The following GRIK4 variants were observed in gnomAD, a reference collection of about 807,000 sequenced individuals.
The protein encoded by GRIK4 is glutamate ionotropic receptor kainate type subunit 4.
A neutral mutation model predicts 104.9 loss-of-function variants in GRIK4; 40 were observed. The ratio of observed to expected loss-of-function variants is 0.38; its 90% CI spans 0.30 to 0.50. GRIK4 has a LOEUF of 0.50. GRIK4 is among the 20% of genes least tolerant of loss of function. The pLI is 0.93. For missense variants in GRIK4, 1,047 were observed against 1,308.1 expected, an observed-to-expected ratio of 0.80 and a Z score of 3.08; for synonymous variants, 485 against 524.9, an observed-to-expected ratio of 0.92 and a Z score of 1.04.
intron 9 of GRIK4, among the ~76,000 whole-genome samples, chr11:120,865,988 T>G (rs1954397323): frequency 6.6e-6 from 1 of 151,736 alleles, no homozygotes; most frequent in Non-Finnish European, 1.5e-5. Flanking sequence ...GGGGAAGAGG[T>G]GCCAGGCTCT....
chr11:120,973,634 C>T (rs1044602063), intron 19 of GRIK4, among the ~76,000 whole-genome samples: 18 of 152,200 alleles, frequency 1.2e-4, no homozygotes, highest in African/African-American at 4.1e-4. Context: ...CTGTCCCAGC[C>T]ATAGCTGCTA....
intron 1 of GRIK4, among the ~76,000 whole-genome samples, chr11:120,529,404 G>T (rs1947900073): frequency 6.6e-6 from 1 of 152,226 alleles, no homozygotes; most frequent in Non-Finnish European, 1.5e-5. Context: ...ATTGCCCTTG[G>T]CTGTGACCTC....
intron 3 of GRIK4, among the ~76,000 whole-genome samples, chr11:120,679,576 C>T (rs575145140): frequency 9.2e-5 from 14 of 152,284 alleles, no homozygotes; most frequent in Non-Finnish European, 1.5e-4. Flanking sequence ...GTGCAGGGAG[C>T]AGCTGGGCAG....
intron 3 of GRIK4, among the ~76,000 whole-genome samples, chr11:120,698,058 C>T (rs142009469): frequency 6.6e-6 from 1 of 152,058 alleles, no homozygotes; most frequent in Non-Finnish European, 1.5e-5. Context: ...AAGAGGTGTC[C>T]CCCCTGGCTT....
At chr11:120,657,619 G>T (rs558409893) in intron 2 of GRIK4, among the ~76,000 whole-genome samples, 1 of 152,380 alleles carries the variant, frequency 6.6e-6, no homozygotes, top group South Asian at 2.1e-4. Context: ...GGCAACAGCA[G>T]AGGCAGGAAA....
intron 13 of GRIK4, among the ~76,000 whole-genome samples, chr11:120,915,695 C>T (rs1943091055): frequency 6.6e-6 from 1 of 152,178 alleles, no homozygotes; most frequent in Non-Finnish European, 1.5e-5. Flanking sequence ...CCCTTGCTCA[C>T]ATGTCTTCCT....
At chr11:120,711,628 T>G (rs1328976370) in intron 3 of GRIK4, among the ~76,000 whole-genome samples, 1 of 152,236 alleles carries the variant, frequency 6.6e-6, no homozygotes, top group Non-Finnish European at 1.5e-5. Flanking sequence ...CTTTTGAATC[T>G]GTAGCCACCT....
In GRIK4 at chr11:120,924,567, C is replaced by T. The variant is rs113734970; in HGVS notation, c.1477-15780C>T. Among the ~76,000 whole-genome samples the T allele has an allele frequency of 4.1e-4, 25 of 60,574 alleles. 2 individuals are homozygous for T. The highest frequency in any genetic ancestry group is 3.4e-3 in the African/African-American group (24 of 7,030). The allele number at this position is 60,574 out of a possible 152,430, so 39.7% of individuals were successfully genotyped here. ...TACCCTTAGCGGCATCCTGAAGACC[C>T]CCTTGTCCCCACCCACCTCTTTCCT... is the stretch of plus-strand genomic sequence containing the variant. On this transcript the variant is annotated intron_variant, in intron 13 of 20. Coordinates refer to ENST00000527524, the MANE Select transcript of GRIK4 (RefSeq NM_014619.5).
At chr11:120,620,595 A>G (rs986241129) in intron 1 of GRIK4, among the ~76,000 whole-genome samples, 1 of 152,160 alleles carries the variant, frequency 6.6e-6, no homozygotes, top group East Asian at 1.9e-4. Context: ...TTGGCCTCCC[A>G]AAGTGCTGGG....
chr11:120,711,341 G>A (rs191941520), intron 3 of GRIK4, among the ~76,000 whole-genome samples: 1 of 152,326 alleles, frequency 6.6e-6, no homozygotes, highest in African/African-American at 2.4e-5. Context: ...GGGACGAGAT[G>A]TTCCTCGCTT....
Position 120,967,718 on chromosome 11 carries a change from G to T in GRIK4, c.2395+395G>T, listed in dbSNP as rs929929955. Among the ~76,000 whole-genome samples the T allele has an allele frequency of 6.6e-6, 1 of 152,066 alleles. No individual in the cohort carries two copies. Among genetic ancestry groups the T allele is most frequent in the Admixed American group, 6.5e-5 (1 of 15,270 alleles). ...AGCCAGAGTGATCCTTTTTAAAAAT[G>T]CAAACTCGATGGCAGCATTCCCCCC... On this transcript the variant is annotated intron_variant, in intron 19 of 20. Transcript: ENST00000527524. The surrounding 1 kb of genome is among the most constrained non-coding windows in gnomAD (Gnocchi z 4.2).
chr11:120,913,944 G>T (rs1943053273), intron 13 of GRIK4, among the ~76,000 whole-genome samples: 1 of 151,722 alleles, frequency 6.6e-6, no homozygotes, highest in African/African-American at 2.4e-5. Context: ...ATAGGTCACA[G>T]AATTCTATTC....
chr11:120,552,505 A>G (rs1300649945), intron 1 of GRIK4, among the ~76,000 whole-genome samples: 1 of 152,172 alleles, frequency 6.6e-6, no homozygotes, highest in Non-Finnish European at 1.5e-5. Flanking sequence ...CTGAGGGAAT[A>G]AAGTGACAAC....
At chr11:120,800,229 G>A (rs75254545) in intron 3 of GRIK4, among the ~76,000 whole-genome samples, 4,091 of 152,226 alleles carry the variant, frequency 0.027, 178 homozygotes, top group African/African-American at 0.093. Context: ...TGAAATGGAT[G>A]CAGGTGGAAT....
chr11:120,785,776 T>C (rs1378474277), intron 3 of GRIK4, among the ~76,000 whole-genome samples: 1 of 152,210 alleles, frequency 6.6e-6, no homozygotes, highest in East Asian at 1.9e-4. Flanking sequence ...CTGCAGCGCC[T>C]GAGCAGCTTG....
intron 1 of GRIK4, among the ~76,000 whole-genome samples, chr11:120,518,002 A>G (rs1192148878): frequency 6.6e-6 from 1 of 152,216 alleles, no homozygotes; most frequent in Non-Finnish European, 1.5e-5. Flanking sequence ...GATAGGGCAC[A>G]TCTGGAGGCA....
At chr11:120,845,926 A>C (rs1953841478) in intron 8 of GRIK4, among the ~76,000 whole-genome samples, 1 of 152,218 alleles carries the variant, frequency 6.6e-6, no homozygotes, top group Non-Finnish European at 1.5e-5. Context: ...GTACCACCCT[A>C]CCCAATGCAA....
At chr11:120,777,581 A>G (rs917165988) in intron 3 of GRIK4, among the ~76,000 whole-genome samples, 1 of 152,246 alleles carries the variant, frequency 6.6e-6, no homozygotes, top group East Asian at 1.9e-4. Context: ...GGGGGCTGAC[A>G]GACAGACAAA....
At chr11:120,512,325 G>C (rs1423607500) in intron 1 of GRIK4, among the ~76,000 whole-genome samples, 1 of 150,254 alleles carries the variant, frequency 6.7e-6, no homozygotes, top group Non-Finnish European at 1.5e-5. Flanking sequence ...CCTACACCTC[G>C]TCACCCTCCG....
Sources: allele counts gnomAD v4.1 joint callset (sites outside exome capture counted in the v4.1 genomes callset), GRCh38; gene constraint gnomAD v4.1.1; non-coding constraint Gnocchi (gnomAD v3.1); transcripts MANE v1.5; gene names NCBI Gene and HGNC (gene_info 2026-07-23, HGNC 2026-07-21).